The following TTC28 variants were observed in gnomAD, a reference collection of about 807,000 sequenced individuals.
TTC28 encodes the protein tetratricopeptide repeat domain 28.
TTC28 carries 61 observed loss-of-function variants against 198.0 expected under a neutral mutation model. The observed-to-expected ratio is 0.31, with a 90% CI of 0.25 to 0.38. The LOEUF is 0.38. TTC28 is among the 10% of genes least tolerant of loss of function. The pLI is 1.00. For missense variants in TTC28, 2,678 were observed against 3,164.0 expected (o/e 0.85, Z 3.69); for synonymous variants, 1,171 against 1,297.8 (o/e 0.90, Z 2.10).
chr22:28,609,061 T>C (rs1039756977), intron 2 of TTC28, among the ~76,000 whole-genome samples: 1 of 151,906 alleles, frequency 6.6e-6, no homozygotes, highest in African/African-American at 2.4e-5. Context: ...AAAGCAGTAA[T>C]AGAAACTGTT....
intron 2 of TTC28, among the ~76,000 whole-genome samples, chr22:28,499,356 A>T (rs374987828): frequency 1.2e-4 from 18 of 152,296 alleles, no homozygotes; most frequent in Middle Eastern, 6.8e-3. Flanking sequence ...TTAACTATGA[A>T]AAAGTAAGAA....
chr22:28,107,745 T>G lies in TTC28; in HGVS notation c.2100A>C (p.Leu700=). 6.4e-7 allele frequency: 1 copy of G among 1,551,920 alleles called. No individual in the cohort carries two copies. Among genetic ancestry groups the G allele is most frequent in the Non-Finnish European group, 8.7e-7 (1 of 1,147,052 alleles). Residue 700 remains leucine, a synonymous_variant, in exon 7 of 23, where the codon CTA becomes CTC. Coordinates refer to ENST00000397906, the MANE Select transcript of TTC28 (RefSeq NM_001145418.2). ...FSKAEECQKY[L]LSLAQSLNNS... is the part of the protein sequence containing the mutation. Reference sequence around the variant, plus strand: ...TATTCAGAGACTGGGCTAGGGACAGTAGGTACTTCTGACACTCTTCAGCTT... The same window carrying G: ...TATTCAGAGACTGGGCTAGGGACAGGAGGTACTTCTGACACTCTTCAGCTT...
intron 5 of TTC28, among the ~76,000 whole-genome samples, chr22:28,273,491 G>C (rs1200558035): frequency 6.6e-6 from 1 of 151,906 alleles, no homozygotes; most frequent in Non-Finnish European, 1.5e-5. Flanking sequence ...TTCATAGCAA[G>C]CTGGACATAG....
At chr22:28,568,220 G>T (rs890072450) in intron 2 of TTC28, among the ~76,000 whole-genome samples, 1 of 152,122 alleles carries the variant, frequency 6.6e-6, no homozygotes, top group East Asian at 1.9e-4. Context: ...AAGGGGAAAA[G>T]AGTTAAATCC....
intron 12 of TTC28, among the ~76,000 whole-genome samples, chr22:28,054,358 T>A (rs1414592006): frequency 2.0e-5 from 3 of 152,202 alleles, no homozygotes; most frequent in Admixed American, 1.3e-4. Flanking sequence ...TTGGGTCATG[T>A]CAGCTGGCTG....
intron 13 of TTC28, among the ~76,000 whole-genome samples, chr22:28,018,461 CCT>C (rs1363670803): frequency 6.6e-6 from 1 of 152,226 alleles, no homozygotes; most frequent in Non-Finnish European, 1.5e-5. Context: ...AGACTTTCTC[CCT>C]GAGCAGGAGG....
intron 12 of TTC28, among the ~76,000 whole-genome samples, chr22:28,086,797 A>C (rs1244482844): frequency 6.6e-6 from 1 of 152,164 alleles, no homozygotes; most frequent in Non-Finnish European, 1.5e-5. Context: ...GAGAAGAATC[A>C]AATAGATGCA....
chr22:28,021,691 G>A (rs1334781381), intron 13 of TTC28, among the ~76,000 whole-genome samples: 2 of 152,142 alleles, frequency 1.3e-5, no homozygotes, highest in East Asian at 1.9e-4. Context: ...GTGGCAGAAC[G>A]AGGCCTCTGG....
chr22:28,082,451 A>G (rs9625400), intron 12 of TTC28, among the ~76,000 whole-genome samples: 10,186 of 152,208 alleles, frequency 0.067, 394 homozygotes, highest in South Asian at 0.089. Context: ...TGTGGTTTTT[A>G]TCATGAAAGG....
intron 2 of TTC28, among the ~76,000 whole-genome samples, chr22:28,529,625 C>A (rs1211153244): frequency 6.6e-6 from 1 of 152,234 alleles, no homozygotes; most frequent in African/African-American, 2.4e-5. Context: ...TTCCTAACCC[C>A]TGAGTAGCCT....
chr22:28,186,114 GAT>G (rs1359864472), intron 5 of TTC28, among the ~76,000 whole-genome samples: 2 of 151,972 alleles, frequency 1.3e-5, no homozygotes, highest in African/African-American at 4.8e-5. Context: ...TCACAAAATG[GAT>G]ATAGACTTAG....
intron 5 of TTC28, among the ~76,000 whole-genome samples, chr22:28,190,430 A>G (rs1924625865): frequency 6.6e-6 from 1 of 152,202 alleles, no homozygotes; most frequent in African/African-American, 2.4e-5. Context: ...ACTAGGCCAC[A>G]TCACCTTCTC....
At chr22:28,141,835 A>G (rs1224690007) in intron 6 of TTC28, among the ~76,000 whole-genome samples, 1 of 152,186 alleles carries the variant, frequency 6.6e-6, no homozygotes, top group Admixed American at 6.5e-5. Flanking sequence ...TAATTCCACA[A>G]CCACGAAACC....
chr22:28,016,262 C>T (rs1938371774), intron 13 of TTC28, among the ~76,000 whole-genome samples: 1 of 152,174 alleles, frequency 6.6e-6, no homozygotes, highest in Non-Finnish European at 1.5e-5. Flanking sequence ...CACAGATAAC[C>T]CCGGAGTGAC....
chr22:28,382,935 A>G (rs987540346), intron 2 of TTC28, among the ~76,000 whole-genome samples: 18 of 152,288 alleles, frequency 1.2e-4, no homozygotes, highest in Admixed American at 5.2e-4. Flanking sequence ...AAATTCCTCT[A>G]AACAAGATCA....
chr22:28,137,319 A>G (rs1378086678), intron 6 of TTC28, among the ~76,000 whole-genome samples: 6 of 152,098 alleles, frequency 3.9e-5, no homozygotes, highest in African/African-American at 1.4e-4. Flanking sequence ...TTCTATACTG[A>G]TTCACAGGAA....
At chr22:28,271,761 C>T (rs201324820) in intron 5 of TTC28, among the ~76,000 whole-genome samples, 7 of 151,924 alleles carry the variant, frequency 4.6e-5, no homozygotes, top group East Asian at 1.9e-4. Context: ...CCCGCCACCA[C>T]GTCCAGCTAA....
chr22:28,022,457 G>A (rs772753255), intron 13 of TTC28, among the ~76,000 whole-genome samples: 3 of 152,188 alleles, frequency 2.0e-5, no homozygotes, highest in Non-Finnish European at 4.4e-5. Context: ...GCTGCTCTGC[G>A]GTCAGGCTGC....
intron 2 of TTC28, among the ~76,000 whole-genome samples, chr22:28,357,315 ATTTTTTTTTTT>A (rs11415868): frequency 1.8e-5 from 2 of 113,476 alleles, no homozygotes; most frequent in South Asian, 6.1e-4. Flanking sequence ...CAAATTTCTT[ATTTTTTTTTTT>A]TTTTTTTTTT....
Sources: allele counts gnomAD v4.1 joint callset (sites outside exome capture counted in the v4.1 genomes callset), GRCh38; gene constraint gnomAD v4.1.1; transcripts MANE v1.5; gene names NCBI Gene and HGNC (gene_info 2026-07-23, HGNC 2026-07-21).